THADA: variants seen among roughly 807,000 people sequenced by gnomAD.
THADA encodes THADA armadillo repeat containing.
A neutral mutation model predicts 219.8 loss-of-function variants in THADA; 213 were observed. The observed-to-expected ratio is 0.97, with a 90% confidence interval of 0.87 to 1.09. The LOEUF (loss-of-function observed/expected upper bound fraction) is 1.09, where lower values mean the gene tolerates loss of function less well. Among genes scored for constraint, THADA ranks in the 50% least tolerant of loss-of-function variants. The pLI, the probability that THADA is intolerant of heterozygous loss-of-function variation, is 0.00. For synonymous variants in THADA, 1,018 were observed against 828.9 expected (o/e 1.23, Z -3.92); for missense variants, 2,956 against 2,311.3 (o/e 1.28, Z -5.72).
chr2:43,268,596 T>G lies in THADA; in HGVS notation c.5296+11169A>C, dbSNP rs74614244. Among the ~76,000 whole-genome samples the G allele has an allele frequency of 1.8e-3, 277 of 152,242 alleles. 5 individuals carry two copies. The East Asian group carries it at 0.048, about 26-fold the overall frequency. On this transcript the variant is annotated intron_variant, in intron 36 of 37. Transcript: ENST00000405975. ...ATTTGAGAACAGAATTGGAGTTTGG[T>G]GGGTAGGATGAGGGCTTCCCAGGTC...
intron 21 of THADA, among the ~76,000 whole-genome samples, chr2:43,537,767 AACCAGC>A (rs1417533189): frequency 6.6e-6 from 1 of 151,704 alleles, no homozygotes; most frequent in African/African-American, 2.4e-5. Context: ...AGGAATTCAA[AACCAGC>A]CTGGCAACAT....
chr2:43,560,273 A>C lies in THADA; in HGVS notation c.2424T>G (p.Asp808Glu), dbSNP rs773535783. 6 of 1,612,560 alleles carry C rather than the reference A, an allele frequency of 3.7e-6. No homozygotes were observed. The highest frequency in any genetic ancestry group is 4.2e-6 in the Non-Finnish European group (5 of 1,179,302). ...TFEDVKILAFDLLMKLSKTAV... is the reference protein window; with the variant it reads ...TFEDVKILAFELLMKLSKTAV... ...CTGTTTTTGATAACTTCATCAGAAG[A>C]TCAAATGCTAAAATTTTCACGTCTT... The change falls in exon 16 of 38, where the codon GAT becomes GAG. Residue 808 changes from aspartate to glutamate, a missense_variant. Asp to Glu is a conservative substitution (Grantham distance 45). Coordinates refer to ENST00000405975, the MANE Select transcript of THADA (RefSeq NM_022065.5).
At chr2:43,485,583 T>A (rs913947484) in intron 25 of THADA, among the ~76,000 whole-genome samples, 2 of 152,166 alleles carry the variant, frequency 1.3e-5, no homozygotes, top group African/African-American at 4.8e-5. Flanking sequence ...CATCAACAGT[T>A]TTCACTAATC....
At chr2:43,356,074 G>C (rs1668841465) in intron 29 of THADA, among the ~76,000 whole-genome samples, 2 of 152,090 alleles carry the variant, frequency 1.3e-5, no homozygotes. Flanking sequence ...AACGGTTAAG[G>C]GCTATAAGAG....
chr2:43,370,499 T>C (rs1670673926), intron 29 of THADA, among the ~76,000 whole-genome samples: 3 of 152,216 alleles, frequency 2.0e-5, no homozygotes, highest in Admixed American at 2.0e-4. Context: ...CAAGGATGCT[T>C]ATTTGAAAAC....
intron 26 of THADA, among the ~76,000 whole-genome samples, chr2:43,442,312 T>C (rs1680943252): frequency 6.6e-6 from 1 of 152,102 alleles, no homozygotes; most frequent in Non-Finnish European, 1.5e-5. Flanking sequence ...GGTGCGTGCC[T>C]GTAATCCCAG....
At chr2:43,511,403 G>A (rs1444959584) in intron 22 of THADA, among the ~76,000 whole-genome samples, 1 of 152,158 alleles carries the variant, frequency 6.6e-6, no homozygotes, top group Non-Finnish European at 1.5e-5. Context: ...CAAGAAGGCA[G>A]GTCTGGAATG....
chr2:43,291,704 A>G lies in THADA; in HGVS notation c.5002T>C (p.Cys1668Arg), dbSNP rs17030648. 5.7e-3 allele frequency: 8,814 copies of G among 1,554,450 alleles called. 417 individuals carry two copies. The African/African-American group carries it at 0.1, about 18-fold the overall frequency. Residue 1668 changes from cysteine to arginine, a missense_variant, in exon 34 of 38, where the codon TGT becomes CGT. Transcript: ENST00000405975. ...SKVISHHMQT[C>R]VENRELIAAE... is the part of the protein sequence containing the mutation. ...ATCAGAACCAGCCTTACCTCCACAC[A>G]TGTCTGCATGTGGTGGGAAATGACT... is the stretch of plus-strand genomic sequence containing the variant.
At chr2:43,403,542 A>G (rs1220367083) in intron 28 of THADA, among the ~76,000 whole-genome samples, 1 of 152,132 alleles carries the variant, frequency 6.6e-6, no homozygotes, top group Non-Finnish European at 1.5e-5. Context: ...CAGAGGCTTC[A>G]AAGTCTCCAA....
intron 29 of THADA, among the ~76,000 whole-genome samples, chr2:43,394,439 T>A (rs1673782791): frequency 6.6e-6 from 1 of 152,250 alleles, no homozygotes; most frequent in Non-Finnish European, 1.5e-5. Context: ...AAATGTTCTG[T>A]GAAAGAATTT....
At chr2:43,391,712 C>A (rs1284325177) in intron 29 of THADA, 1 of 152,218 alleles carries the variant, frequency 6.6e-6, no homozygotes, top group Admixed American at 6.5e-5. Context: ...CTGCTCCCAG[C>A]TGCAGGTGAC....
chr2:43,293,283 T>C, intron 31 of THADA, 70 bp from the exon 32 acceptor site: 2 of 1,516,320 alleles, frequency 1.3e-6, no homozygotes, highest in South Asian at 1.3e-5. Context: ...CATGAAAGAA[T>C]GAAGACTGAA....
intron 26 of THADA, among the ~76,000 whole-genome samples, chr2:43,451,332 T>C (rs1216104328): frequency 6.6e-6 from 1 of 152,166 alleles, no homozygotes; most frequent in East Asian, 1.9e-4. Flanking sequence ...TCCACACTCC[T>C]TATTTCCTCA....
chr2:43,459,248 C>A (rs964152027), intron 26 of THADA, among the ~76,000 whole-genome samples: 1 of 152,164 alleles, frequency 6.6e-6, no homozygotes, highest in East Asian at 1.9e-4. Flanking sequence ...AGCAGTCACC[C>A]TCACCTCCAC....
intron 26 of THADA, among the ~76,000 whole-genome samples, chr2:43,463,535 G>A (rs1378698838): frequency 6.6e-6 from 1 of 152,168 alleles, no homozygotes; most frequent in African/African-American, 2.4e-5. Flanking sequence ...AGATAGAATG[G>A]CTTGCTCTCT....
intron 36 of THADA, among the ~76,000 whole-genome samples, chr2:43,247,707 G>A (rs1443226678): frequency 2.4e-5 from 3 of 124,272 alleles, no homozygotes; most frequent in East Asian, 2.7e-4. Flanking sequence ...CCAGACTGGC[G>A]ACAGAGCAAG....
intron 15 of THADA, among the ~76,000 whole-genome samples, chr2:43,561,326 T>C (rs1698043360): frequency 6.6e-6 from 1 of 152,134 alleles, no homozygotes; most frequent in African/African-American, 2.4e-5. Context: ...AATAGAAACA[T>C]TTTATAATAT....
At chr2:43,466,909 A>G (rs138162260) in intron 26 of THADA, among the ~76,000 whole-genome samples, 17,055 of 149,884 alleles carry the variant, frequency 0.11, 1,098 homozygotes, top group African/African-American at 0.17. Flanking sequence ...GGGGCCGGGC[A>G]CGGTGGCTCA....
chr2:43,529,191 C>G (rs1286954538), intron 21 of THADA, among the ~76,000 whole-genome samples: 1 of 151,740 alleles, frequency 6.6e-6, no homozygotes, highest in Non-Finnish European at 1.5e-5. Context: ...CTTGCTTTAT[C>G]ACCCAGGCTG....
Sources: allele counts gnomAD v4.1 joint callset (sites outside exome capture counted in the v4.1 genomes callset), GRCh38; gene constraint gnomAD v4.1.1; transcripts MANE v1.5; gene names NCBI Gene and HGNC (gene_info 2026-07-23, HGNC 2026-07-21).